The following RFX8 variants were observed in gnomAD, a reference collection of about 807,000 sequenced individuals.
RFX8 encodes regulatory factor X8, also known as DNA-binding protein RFX8.
A neutral mutation model predicts 54.6 loss-of-function variants in RFX8; 46 were observed. The observed-to-expected ratio is 0.84, with a 90% confidence interval of 0.67 to 1.08. RFX8 has a LOEUF of 1.08. RFX8 is among the 50% of genes least tolerant of loss of function. The pLI, the probability that RFX8 is intolerant of heterozygous loss-of-function variation, is 0.00. For missense variants in RFX8, 536 were observed against 562.3 expected, an observed-to-expected ratio of 0.95 and a Z score of 0.47; for synonymous variants, 192 against 209.5, an observed-to-expected ratio of 0.92 and a Z score of 0.72.
chr2:101,397,864 CTT>C (rs894849758), intron 11 of RFX8, 140 bp from the exon 12 acceptor site: 251 of 538,524 alleles, frequency 4.7e-4, no homozygotes, highest in South Asian at 1.2e-3. Flanking sequence ...GCATTTATTC[CTT>C]TTTTTTTTTG....
chr2:101,470,919 C>T (rs1402427001), intron 1 of RFX8, among the ~76,000 whole-genome samples: 2 of 150,380 alleles, frequency 1.3e-5, no homozygotes, highest in African/African-American at 4.9e-5. Flanking sequence ...TGGGGTTTCA[C>T]CGTGTTAGCC....
At position 101,405,933 on chromosome 2, in the gene RFX8, T is replaced by C. The variant is rs544755936; in HGVS notation, c.928+10A>G. ...TAGAATACAAAATACTTTCTTATTC[T>C]CTGACTTACCAAAACTATCTCTGTG... On this transcript the variant is annotated intron_variant, in intron 10 of 11. Coordinates refer to ENST00000428343, the MANE Select transcript of RFX8 (RefSeq NM_001145664.2). 9 of 1,485,046 alleles carry C rather than the reference T, an allele frequency of 6.1e-6. No individual in the cohort carries two copies. The South Asian group carries it at 1.0e-4, about 17-fold the overall frequency. 92.0% of individuals were successfully genotyped at this position (1,485,046 alleles called of 1,614,324 possible).
At chr2:101,474,214 C>A in intron 1 of RFX8, 1 of 629,262 alleles carries the variant, frequency 1.6e-6, no homozygotes, top group Non-Finnish European at 2.8e-6. Flanking sequence ...CTGGATGACG[C>A]CGCTGTGCGG....
intron 2 of RFX8, among the ~76,000 whole-genome samples, chr2:101,459,289 G>A (rs1689142159): frequency 6.6e-6 from 1 of 152,110 alleles, no homozygotes; most frequent in Admixed American, 6.5e-5. Flanking sequence ...GAGGAGAAGA[G>A]GCACTCTGGT....
At chr2:101,440,396 G>A (rs913956913) in intron 2 of RFX8, among the ~76,000 whole-genome samples, 2 of 152,174 alleles carry the variant, frequency 1.3e-5, no homozygotes, top group Non-Finnish European at 2.9e-5. Context: ...CTGAACACCT[G>A]CTTTCCTTTT....
intron 2 of RFX8, among the ~76,000 whole-genome samples, chr2:101,444,663 C>A (rs960303672): frequency 3.9e-5 from 6 of 152,204 alleles, no homozygotes; most frequent in Non-Finnish European, 5.9e-5. Context: ...TCAGCAAAGT[C>A]ATATAAGTCA....
intron 11 of RFX8, among the ~76,000 whole-genome samples, chr2:101,400,604 G>A (rs891380857): frequency 6.6e-6 from 1 of 152,252 alleles, no homozygotes; most frequent in Non-Finnish European, 1.5e-5. Context: ...AGATGGTACT[G>A]AATAAAGCCT....
rs911974913 is a variant in RFX8, at chr2:101,402,778, G to C, written c.929-26C>G. 2.6e-6 allele frequency: 4 copies of C among 1,514,706 alleles called. No individual in the cohort carries two copies. In the African/African-American group the frequency reaches 5.5e-5, roughly 21 times the overall value. 93.8% of individuals were successfully genotyped at this position (1,514,706 alleles called of 1,614,324 possible). A position where few individuals can be genotyped will look rare whatever the true frequency, so the allele number is the denominator to read the frequency against. ...CTACATTTAGATAATAACCAAAAAT[G>C]AATACATTTGATCGACAGACAATAA... On this transcript the variant is annotated intron_variant, in intron 10 of 11. Transcript: ENST00000428343.
chr2:101,432,597 C>A (rs1687550094), intron 2 of RFX8, among the ~76,000 whole-genome samples: 1 of 152,308 alleles, frequency 6.6e-6, no homozygotes, highest in African/African-American at 2.4e-5. Context: ...CCCTGAGTGC[C>A]CACCGGGACA....
At position 101,466,800 on chromosome 2, in the gene RFX8, C is replaced by T; in HGVS notation, c.49G>A (p.Val17Ile). 6.4e-7 allele frequency: 1 copy of T among 1,551,594 alleles called. No homozygotes were observed. The highest frequency in any genetic ancestry group is 8.7e-7 in the Non-Finnish European group (1 of 1,146,868). ...ACCTTCCCAAAGGTGGCCGGGTTGA[C>T]TTGGTTCTCAGTGTTTTGCCCACAG... ...ETCGQNTENQVNPATFGKCED... is the reference protein window; with the variant it reads ...ETCGQNTENQINPATFGKCED... The change falls in exon 2 of 12, where the codon GTC becomes ATC. Residue 17 changes from valine to isoleucine, a missense_variant. Physicochemically the swap from Val to Ile is conservative, Grantham distance 29. Coordinates refer to ENST00000428343, the MANE Select transcript of RFX8 (RefSeq NM_001145664.2).
chr2:101,435,136 C>T (rs1331973574), intron 2 of RFX8: 1 of 152,406 alleles, frequency 6.6e-6, no homozygotes. Context: ...GCTGTGGACC[C>T]GAGGCCCTGC....
intron 2 of RFX8, among the ~76,000 whole-genome samples, chr2:101,424,056 T>A (rs1010284723): frequency 6.6e-6 from 1 of 152,192 alleles, no homozygotes. Context: ...ACGTTAAAAC[T>A]TCCCCCGTTA....
chr2:101,438,627 T>C (rs1281427875), intron 2 of RFX8, among the ~76,000 whole-genome samples: 1 of 152,160 alleles, frequency 6.6e-6, no homozygotes, highest in Non-Finnish European at 1.5e-5. Context: ...GGGTGGTAAA[T>C]TGTATGTTTG....
In RFX8 at chr2:101,421,302, A is replaced by G. The variant is rs544392285; in HGVS notation, c.237+422T>C. On this transcript the variant is annotated intron_variant, in intron 4 of 11. Transcript: ENST00000428343. ...ACAGCCAATTCTAGGATTAAATCCA[A>G]TCGTGACAATACCCATGCCAGATCA... is the stretch of plus-strand genomic sequence containing the variant. 121 of 987,740 alleles carry G rather than the reference A, an allele frequency of 1.2e-4. No individual in the cohort carries two copies. In the African/African-American group the frequency reaches 1.6e-3, roughly 13 times the overall value. The allele number at this position is 987,740 out of a possible 1,614,324, so 61.2% of individuals were successfully genotyped here.
chr2:101,408,609 T>G (rs1185879452), intron 9 of RFX8, among the ~76,000 whole-genome samples: 1 of 152,196 alleles, frequency 6.6e-6, no homozygotes, highest in Non-Finnish European at 1.5e-5. Flanking sequence ...AATAAATGTC[T>G]CAGTAGCCAT....
intron 10 of RFX8, among the ~76,000 whole-genome samples, chr2:101,405,714 G>T (rs1685689183): frequency 6.6e-6 from 1 of 151,986 alleles, no homozygotes; most frequent in Admixed American, 6.6e-5. Context: ...GTCTAACGAT[G>T]ATGAAACAGG....
Position 101,414,923 on chromosome 2 carries a change from C to G in RFX8, c.503-11G>C. On this transcript the variant is annotated splice_polypyrimidine_tract_variant and intron_variant, in intron 6 of 11. Coordinates refer to ENST00000428343, the MANE Select transcript of RFX8 (RefSeq NM_001145664.2). ...CAAATAGAGTAACTTCTGTTAAGAA[C>G]AACACACGTGGCCATTAATACAATA... 6.5e-7 allele frequency: 1 copy of G among 1,544,108 alleles called. No homozygotes were observed. The highest frequency in any genetic ancestry group is 8.8e-7 in the Non-Finnish European group (1 of 1,141,666).
At chr2:101,473,530 T>C (rs1263313856) in intron 1 of RFX8, among the ~76,000 whole-genome samples, 1 of 152,226 alleles carries the variant, frequency 6.6e-6, no homozygotes. Flanking sequence ...TTCACTCACA[T>C]GACTTTTTCA....
At chr2:101,455,020 C>CTT (rs556030262) in intron 2 of RFX8, among the ~76,000 whole-genome samples, 4 of 142,324 alleles carry the variant, frequency 2.8e-5, no homozygotes, top group East Asian at 2.0e-4. Context: ...TTTCTTTTTT[C>CTT]TTTTTTTTTT....
Sources: allele counts gnomAD v4.1 joint callset (sites outside exome capture counted in the v4.1 genomes callset), GRCh38; gene constraint gnomAD v4.1.1; transcripts MANE v1.5; gene names NCBI Gene and HGNC (gene_info 2026-07-23, HGNC 2026-07-21).